Variants in TMEM72 observed in about 807,000 individuals in gnomAD.
The protein encoded by TMEM72 is transmembrane protein 72.
TMEM72 carries 9 observed loss-of-function variants against 16.3 expected under a neutral mutation model. The observed-to-expected ratio is 0.55, with a 90% CI of 0.33 to 0.96. The LOEUF (loss-of-function observed/expected upper bound fraction) is 0.96. Ranked by LOEUF, TMEM72 falls within the 40% of genes least tolerant of loss-of-function variation. The pLI, the probability that TMEM72 is intolerant of heterozygous loss-of-function variation, is 0.03. For synonymous variants in TMEM72, 160 were observed against 146.5 expected (o/e 1.09, Z -0.66); for missense variants, 324 against 337.8 (o/e 0.96, Z 0.32).
Position 44,936,940 on chromosome 10 carries a change from C to T in TMEM72, c.*1806C>T, listed in dbSNP as rs1178587518. 2.6e-5 allele frequency: 4 copies of T among 152,222 alleles called. No homozygotes were observed. Among genetic ancestry groups the T allele is most frequent in the Non-Finnish European group, 4.4e-5 (3 of 68,070 alleles). The allele number at this position is 152,222 out of a possible 1,614,324, so 9.4% of individuals were successfully genotyped here. A position where few individuals can be genotyped will look rare whatever the true frequency, so the allele number is the denominator to read the frequency against. ...TCAGCAGAGCTGGATGACCAGATCG[C>T]AAGAAGCAAACCAGAAAGTGTGATG... On this transcript the variant is annotated 3_prime_UTR_variant, in exon 5 of 5. Coordinates refer to ENST00000389583, the MANE Select transcript of TMEM72 (RefSeq NM_001123376.3).
At chr10:44,911,641 C>A in intron 1 of TMEM72, 59 bp downstream of exon 1, 1 of 1,536,908 alleles carries the variant, frequency 6.5e-7, no homozygotes. Context: ...ATAGGGCTGC[C>A]TGAGGGGTGG....
At chr10:44,933,903 GACCT>G in intron 4 of TMEM72, 127 bp downstream of exon 4, 28 of 1,201,904 alleles carry the variant, frequency 2.3e-5, no homozygotes, top group South Asian at 3.4e-5. Context: ...TGCCCTCTCT[GACCT>G]AGAGGGTGGA....
At position 44,927,911 on chromosome 10, in the gene TMEM72, T is replaced by C. The variant is rs1262725537; in HGVS notation, c.71-10T>C. 1 of 1,613,888 alleles carries C rather than the reference T, an allele frequency of 6.2e-7. No individual in the cohort carries two copies. Among genetic ancestry groups the C allele is most frequent in the African/African-American group, 1.3e-5 (1 of 75,016 alleles). ...CCAGGCCCACTCTTCCTTCTTCTCT[T>C]GCCCCTTAGTGTTGATCGGCGTGGG... On this transcript the variant is annotated splice_polypyrimidine_tract_variant and intron_variant, in intron 1 of 4. Transcript: ENST00000389583.
At chr10:44,925,417 C>T (rs1387636183) in intron 1 of TMEM72, among the ~76,000 whole-genome samples, 1 of 152,240 alleles carries the variant, frequency 6.6e-6, no homozygotes, top group East Asian at 1.9e-4. Flanking sequence ...TGACGTGTCA[C>T]GTAAGTGGAG....
chr10:44,932,468 C>T (rs772106452), intron 3 of TMEM72, among the ~76,000 whole-genome samples: 2 of 152,200 alleles, frequency 1.3e-5, no homozygotes, highest in Non-Finnish European at 2.9e-5. Context: ...CTGTCTCTTC[C>T]TAGGGCCCGG....
At chr10:44,920,593 A>C (rs768470164) in intron 1 of TMEM72, among the ~76,000 whole-genome samples, 14 of 152,258 alleles carry the variant, frequency 9.2e-5, no homozygotes, top group Non-Finnish European at 1.6e-4. Context: ...CACAGGGAAC[A>C]GCTTTTTGGC....
intron 1 of TMEM72, among the ~76,000 whole-genome samples, chr10:44,915,189 C>G (rs1324359325): frequency 6.6e-6 from 1 of 152,216 alleles, no homozygotes; most frequent in South Asian, 2.1e-4. Context: ...CAAAGAGGCT[C>G]CAGCTTGAGG....
At chr10:44,928,840 A>G (rs1420229799) in intron 2 of TMEM72, among the ~76,000 whole-genome samples, 1 of 152,154 alleles carries the variant, frequency 6.6e-6, no homozygotes, top group Non-Finnish European at 1.5e-5. Context: ...CCATCCATCC[A>G]TCCACCTACT....
chr10:44,917,963 A>T (rs1840036685), intron 1 of TMEM72, among the ~76,000 whole-genome samples: 1 of 152,160 alleles, frequency 6.6e-6, no homozygotes, highest in Admixed American at 6.5e-5. Flanking sequence ...GGCAATTTAC[A>T]AAAGAAAGAG....
At position 44,927,752 on chromosome 10, in the gene TMEM72, G is replaced by T. The variant is rs556959546; in HGVS notation, c.71-169G>T. Among the ~76,000 whole-genome samples, 103 of 152,328 alleles carry T rather than the reference G, an allele frequency of 6.8e-4. 2 individuals are homozygous for T. Among genetic ancestry groups the T allele is most frequent in the Admixed American group, 6.5e-3 (100 of 15,308 alleles). ...CAGGGAGCAATCCAGGAGGCTTCCT[G>T]CTCTCTTGCACCTTGCTAGTCACAG... On this transcript the variant is annotated intron_variant, in intron 1 of 4. Transcript: ENST00000389583.
chr10:44,925,937 A>G (rs1190044468), intron 1 of TMEM72, among the ~76,000 whole-genome samples: 1 of 151,842 alleles, frequency 6.6e-6, no homozygotes, highest in Non-Finnish European at 1.5e-5. Context: ...ACACACATAC[A>G]CACACACTTA....
rs144720335 is a variant in TMEM72, at chr10:44,926,151, T to G, written c.71-1770T>G. Among the ~76,000 whole-genome samples, 895 of 149,454 alleles carry G rather than the reference T, an allele frequency of 6.0e-3. 7 individuals carry two copies. The highest frequency in any genetic ancestry group is 8.7e-3 in the Admixed American group (132 of 15,086). The stretch of plus-strand genomic sequence containing the variant: ...TACACTCACACACTCACATATATAC[T>G]CACATATACACATACACTCACACAC... On this transcript the variant is annotated intron_variant, in intron 1 of 4. Transcript: ENST00000389583.
At chr10:44,923,837 C>T (rs541918469) in intron 1 of TMEM72, among the ~76,000 whole-genome samples, 3 of 152,226 alleles carry the variant, frequency 2.0e-5, no homozygotes, top group Non-Finnish European at 4.4e-5. Flanking sequence ...ACAGAACAGA[C>T]CCTCCACTCT....
At position 44,911,459 on chromosome 10, in the gene TMEM72, G is replaced by A; in HGVS notation, c.-54G>A. 6.5e-7 allele frequency: 1 copy of A among 1,536,412 alleles called. No individual in the cohort carries two copies. The highest frequency in any genetic ancestry group is 8.8e-7 in the Non-Finnish European group (1 of 1,137,314). On this transcript the variant is annotated 5_prime_UTR_variant, in exon 1 of 5. Transcript: ENST00000389583. ...ACAAGGGTGTTCGGGAGCATCTCAGGGCCGAAGACTTTGCTGCCTGCCCTG... is the reference window on the plus strand; with the variant it reads ...ACAAGGGTGTTCGGGAGCATCTCAGAGCCGAAGACTTTGCTGCCTGCCCTG...
chr10:44,922,581 C>T (rs557055563), intron 1 of TMEM72, among the ~76,000 whole-genome samples: 3 of 152,302 alleles, frequency 2.0e-5, no homozygotes, highest in East Asian at 1.9e-4. Context: ...GTGTTGGATA[C>T]GGTTCACAAA....
At position 44,930,359 on chromosome 10, in the gene TMEM72, C is replaced by A. The variant is rs189168897; in HGVS notation, c.138-1639C>A. ...ATTTTGCAAAACACGTCTTGATGTG[C>A]CTGTTAGGCACACAAGCTCTGGAGC... On this transcript the variant is annotated intron_variant, in intron 2 of 4. Coordinates refer to ENST00000389583, the MANE Select transcript of TMEM72 (RefSeq NM_001123376.3). Among the ~76,000 whole-genome samples the A allele has an allele frequency of 7.9e-5, 12 of 152,240 alleles. No individual in the cohort carries two copies. In the South Asian group the frequency reaches 1.0e-3, roughly 13 times the overall value.
At chr10:44,930,388 C>T (rs1027528847) in intron 2 of TMEM72, among the ~76,000 whole-genome samples, 2 of 152,186 alleles carry the variant, frequency 1.3e-5, no homozygotes, top group African/African-American at 4.8e-5. Context: ...CTGGAGCCTG[C>T]GTGCTAGGTT....
chr10:44,913,912 G>C (rs1355065279), intron 1 of TMEM72, among the ~76,000 whole-genome samples: 2 of 152,304 alleles, frequency 1.3e-5, no homozygotes, highest in East Asian at 3.9e-4. Context: ...TAGGGAGGTG[G>C]GGAGTGTGGA....
chr10:44,935,387 C>A lies in TMEM72; in HGVS notation c.*253C>A, dbSNP rs1014727683. The A allele has an allele frequency of 2.3e-5, 10 of 440,960 alleles. No individual in the cohort carries two copies. Among genetic ancestry groups the A allele is most frequent in the South Asian group, 1.1e-4 (2 of 18,530 alleles). The allele number at this position is 440,960 out of a possible 1,614,324, so 27.3% of individuals were successfully genotyped here. A position where few individuals can be genotyped will look rare whatever the true frequency, so the allele number is the denominator to read the frequency against. On this transcript the variant is annotated 3_prime_UTR_variant, in exon 5 of 5. Coordinates refer to ENST00000389583, the MANE Select transcript of TMEM72 (RefSeq NM_001123376.3). ...TCCTCCTGGCCACAGGTGGGGAAAC[C>A]CTTATGCTTCCCCAACAAGACCATC... is the stretch of plus-strand genomic sequence containing the variant.
Sources: gnomAD v4.1 joint callset for allele counts (sites outside exome capture counted in the v4.1 genomes callset) on GRCh38, gnomAD v4.1.1 for gene constraint, MANE v1.5 for transcripts, NCBI Gene and HGNC (gene_info 2026-07-23, HGNC 2026-07-21) for gene names.